The following CCDC172 variants were observed in gnomAD, a reference collection of about 807,000 sequenced individuals.
CCDC172 encodes the protein coiled-coil domain-containing protein 172.
In CCDC172, 30 loss-of-function variants were observed where a neutral mutation model predicts 38.0. The ratio of observed to expected loss-of-function variants is 0.79; its 90% CI spans 0.59 to 1.07. The LOEUF is 1.07. Ranked by LOEUF, CCDC172 falls within the 50% of genes least tolerant of loss-of-function variation. The probability of loss-of-function intolerance (pLI) is 0.00; values close to 1 mark genes in which losing one functional copy is unlikely to be tolerated. For synonymous variants in CCDC172, 78 were observed against 88.3 expected (o/e 0.88, Z 0.66); for missense variants, 297 against 290.1 (o/e 1.02, Z -0.17).
At chr10:116,354,953 C>T (rs1319289788) in intron 5 of CCDC172, among the ~76,000 whole-genome samples, 1 of 152,126 alleles carries the variant, frequency 6.6e-6, no homozygotes, top group Non-Finnish European at 1.5e-5. Context: ...ATATATTTTA[C>T]AACTGTACTG....
At position 116,325,314 on chromosome 10, in the gene CCDC172, A is replaced by G; in HGVS notation, c.91A>G (p.Ile31Val). The part of the protein sequence containing the change: ...RRLMREVRSE[I>V]TRCREKIKKA... ...AATTTTTATTACAGTAAGGTCGGAA[A>G]TAACCAGATGTCGTGAAAAAATTAA... The change falls in exon 3 of 9, where the codon ATA becomes GTA. Residue 31 changes from isoleucine (I) to valine (V), a missense_variant. Ile to Val is a conservative substitution (Grantham distance 29). Transcript: ENST00000333254. 1.2e-6 allele frequency: 2 copies of G among 1,613,454 alleles called. No homozygotes were observed. Among genetic ancestry groups the G allele is most frequent in the Non-Finnish European group, 1.7e-6 (2 of 1,179,580 alleles).
intron 3 of CCDC172, among the ~76,000 whole-genome samples, chr10:116,325,726 GATAA>G (rs1030168207): frequency 6.6e-6 from 1 of 152,166 alleles, no homozygotes; most frequent in African/African-American, 2.4e-5. Flanking sequence ...CATTTTGAAT[GATAA>G]ATAATTTGTG....
chr10:116,375,095 A>G (rs977143080), intron 7 of CCDC172, among the ~76,000 whole-genome samples: 2 of 151,996 alleles, frequency 1.3e-5, no homozygotes, highest in Non-Finnish European at 2.9e-5. Context: ...TTTATTAGCC[A>G]TTGGACATTT....
rs1297753747 is a variant in CCDC172 at position 116,325,136 on chromosome 10, G to A, written c.79+46G>A. ...TGCATGGGGCCTTTTGTCTTCTGAT[G>A]CTGGGTGCTTGGAGCAGAAGGAAAT... On this transcript the variant is annotated intron_variant, in intron 2 of 8. Coordinates refer to ENST00000333254, the MANE Select transcript of CCDC172 (RefSeq NM_198515.3). The A allele has an allele frequency of 3.8e-6, 6 of 1,586,488 alleles. No individual in the cohort carries two copies. In the African/African-American group the frequency reaches 8.1e-5, roughly 21 times the overall value.
At chr10:116,334,900 A>G (rs1309132494) in intron 3 of CCDC172, among the ~76,000 whole-genome samples, 3 of 152,046 alleles carry the variant, frequency 2.0e-5, no homozygotes, top group African/African-American at 7.2e-5. Context: ...TTTAGTTATA[A>G]TTTGAATTTT....
intron 5 of CCDC172, among the ~76,000 whole-genome samples, chr10:116,355,129 A>G (rs1436780992): frequency 6.6e-6 from 1 of 152,148 alleles, no homozygotes; most frequent in African/African-American, 2.4e-5. Flanking sequence ...AGTGTACGGT[A>G]ATGTCGTGGG....
At chr10:116,332,288 CTTTG>C (rs796110369) in intron 3 of CCDC172, among the ~76,000 whole-genome samples, 2 of 152,014 alleles carry the variant, frequency 1.3e-5, no homozygotes, top group African/African-American at 4.8e-5. Flanking sequence ...TAGCATTTCT[CTTTG>C]TTTGGAGTAG....
At chr10:116,374,268 C>G (rs1408527185) in intron 7 of CCDC172, among the ~76,000 whole-genome samples, 2 of 152,026 alleles carry the variant, frequency 1.3e-5, no homozygotes, top group African/African-American at 4.8e-5. Flanking sequence ...GTGTAAAGTG[C>G]TTCCCGTAAG....
At chr10:116,349,102 T>C (rs548364153) in intron 5 of CCDC172, among the ~76,000 whole-genome samples, 4 of 152,200 alleles carry the variant, frequency 2.6e-5, no homozygotes, top group South Asian at 4.1e-4. Flanking sequence ...GGGATGTAGA[T>C]TGCATGCTCC....
rs1589950411 is a variant in CCDC172, at chr10:116,342,039, G to T, written c.286G>T (p.Ala96Ser). The T allele has an allele frequency of 6.7e-7, 1 of 1,493,438 alleles. No homozygotes were observed. The highest frequency in any genetic ancestry group is 1.8e-4 in the Middle Eastern group (1 of 5,532). 92.5% of individuals were successfully genotyped at this position (1,493,438 alleles called of 1,614,324 possible). ...HRNMLLQTFE[A>S]IKKQMIEEED... is the part of the protein sequence containing the mutation. ...ATCTTTTATTTATGTTTTTCAGGAG[G>T]CTATAAAGAAACAAATGATAGAGGA... Residue 96 changes from alanine (A) to serine (S), a missense_variant, in exon 5 of 9, where the codon GCT (alanine) becomes TCT (serine). Transcript: ENST00000333254.
intron 4 of CCDC172, among the ~76,000 whole-genome samples, 153 bp downstream of exon 4, chr10:116,341,003 A>G (rs928342123): frequency 3.9e-5 from 6 of 152,028 alleles, no homozygotes; most frequent in African/African-American, 9.6e-5. Context: ...TTTAAAACCA[A>G]TTGGTAGAGT....
At position 116,325,380 on chromosome 10, in the gene CCDC172, G is replaced by A. The variant is rs974578986; in HGVS notation, c.157G>A (p.Glu53Lys). The A allele has an allele frequency of 1.2e-6, 2 of 1,612,796 alleles. No homozygotes were observed. The highest frequency in any genetic ancestry group is 2.7e-5 in the African/African-American group (2 of 75,000). Residue 53 changes from glutamate (E) to lysine (K), a missense_variant, in exon 3 of 9, where the codon GAA (glutamate) becomes AAA (lysine). Coordinates refer to ENST00000333254, the MANE Select transcript of CCDC172 (RefSeq NM_198515.3). ...GCTGAATGAAGAGAAAATCAAGCTG[G>A]AATCTAAGGTATTGAAATGTAAAGC... ...EELNEEKIKL[E>K]SKVQQFFEKS...
chr10:116,347,346 A>G (rs1844880018), intron 5 of CCDC172, among the ~76,000 whole-genome samples: 2 of 152,170 alleles, frequency 1.3e-5, no homozygotes, highest in African/African-American at 4.8e-5. Context: ...GTCAACTAGA[A>G]TAAGGACTAA....
At chr10:116,356,000 G>C (rs1022174275) in intron 5 of CCDC172, among the ~76,000 whole-genome samples, 55 of 152,118 alleles carry the variant, frequency 3.6e-4, no homozygotes, top group African/African-American at 1.3e-3. Context: ...AATAAAAACT[G>C]TTTGTAAAAG....
intron 7 of CCDC172, among the ~76,000 whole-genome samples, chr10:116,371,372 A>G (rs1845183755): frequency 6.6e-6 from 1 of 151,898 alleles, no homozygotes; most frequent in Admixed American, 6.6e-5. Context: ...TTAACCATAC[A>G]TTAATTCCGG....
intron 5 of CCDC172, among the ~76,000 whole-genome samples, chr10:116,356,887 CTT>C (rs1041600776): frequency 1.3e-4 from 20 of 152,260 alleles, no homozygotes; most frequent in African/African-American, 4.6e-4. Flanking sequence ...CATCTACTAA[CTT>C]ATCCTTTTGT....
chr10:116,379,262 T>G (rs1845283873), intron 8 of CCDC172, 61 bp from the exon 9 acceptor site: 1 of 912,440 alleles, frequency 1.1e-6, no homozygotes, highest in Admixed American at 2.6e-5. Flanking sequence ...GTACATTTTA[T>G]GTAATTATTT....
intron 5 of CCDC172, among the ~76,000 whole-genome samples, chr10:116,347,819 G>A (rs1441294084): frequency 6.6e-6 from 1 of 152,038 alleles, no homozygotes; most frequent in African/African-American, 2.4e-5. Flanking sequence ...GGTTTTCTAT[G>A]TTTAGTTGCA....
At chr10:116,333,097 A>G (rs890414474) in intron 3 of CCDC172, among the ~76,000 whole-genome samples, 2 of 152,032 alleles carry the variant, frequency 1.3e-5, no homozygotes, top group African/African-American at 4.8e-5. Context: ...CCTTTTAAGA[A>G]CAGTAAGTAA....
Sources: allele counts gnomAD v4.1 joint callset (sites outside exome capture counted in the v4.1 genomes callset), GRCh38; gene constraint gnomAD v4.1.1; transcripts MANE v1.5; gene names NCBI Gene and HGNC (gene_info 2026-07-23, HGNC 2026-07-21).